DLG2: variants seen among roughly 807,000 people sequenced by gnomAD.
The protein encoded by DLG2 is disks large homolog 2.
Under a neutral mutation model 132.5 loss-of-function variants are expected in DLG2, and 45 were observed. That is an observed-to-expected ratio of 0.34 (90% CI 0.27 to 0.44). The LOEUF (loss-of-function observed/expected upper bound fraction) is 0.44. Among genes scored for constraint, DLG2 ranks in the 20% least tolerant of loss-of-function variants. The pLI is 1.00. For missense variants in DLG2, 1,045 were observed against 1,196.9 expected, an observed-to-expected ratio of 0.87 and a Z score of 1.87; for synonymous variants, 424 against 419.6, an observed-to-expected ratio of 1.01 and a Z score of -0.13.
rs368043322 is a variant in DLG2, at chr11:85,093,281, A to G, written c.357+18380T>C. ...GTGTCAAGGGGCAGAAGTCATACAC[A>G]ATTCAATCATTTGGCAAGGGAGTTT... On this transcript the variant is annotated intron_variant, in intron 6 of 27. Transcript: ENST00000376104. Among the ~76,000 whole-genome samples the G allele has an allele frequency of 5.4e-5, 8 of 148,652 alleles. No individual in the cohort carries two copies. The East Asian group carries it at 1.2e-3, about 23-fold the overall frequency.
chr11:83,484,716 G>C (rs1320202207), intron 21 of DLG2, among the ~76,000 whole-genome samples: 1 of 152,076 alleles, frequency 6.6e-6, no homozygotes, highest in Non-Finnish European at 1.5e-5. Flanking sequence ...CTTTATTGGA[G>C]AAACTGGTTT....
intron 6 of DLG2, among the ~76,000 whole-genome samples, chr11:84,958,366 C>T (rs2052014189): frequency 6.6e-6 from 1 of 152,170 alleles, no homozygotes; most frequent in Non-Finnish European, 1.5e-5. Flanking sequence ...CATGGAAGAC[C>T]AGCTCTGTGA....
At chr11:84,545,739 T>G in intron 6 of DLG2, 1 of 212,572 alleles carries the variant, frequency 4.7e-6, no homozygotes, top group Non-Finnish European at 9.3e-6. Flanking sequence ...AAGTAATGTC[T>G]TAGGTGATGT....
At chr11:84,605,962 T>C (rs1388662027) in intron 6 of DLG2, among the ~76,000 whole-genome samples, 1 of 152,096 alleles carries the variant, frequency 6.6e-6, no homozygotes, top group East Asian at 1.9e-4. Context: ...TAGTCATAAC[T>C]GACCTCTTTT....
intron 14 of DLG2, among the ~76,000 whole-genome samples, chr11:83,934,029 C>G (rs790364): frequency 0.12 from 18,725 of 152,178 alleles, 1,543 homozygotes; most frequent in East Asian, 0.3. Context: ...CTAGAGGTTC[C>G]TTGAGTCTAG....
chr11:84,582,505 T>C (rs2099519032), intron 6 of DLG2, among the ~76,000 whole-genome samples: 1 of 148,806 alleles, frequency 6.7e-6, no homozygotes, highest in Non-Finnish European at 1.5e-5. Flanking sequence ...TACATATATA[T>C]AAAATACATA....
chr11:83,909,409 A>C (rs2075648468), intron 15 of DLG2, among the ~76,000 whole-genome samples: 1 of 152,206 alleles, frequency 6.6e-6, no homozygotes, highest in East Asian at 1.9e-4. Context: ...AATTCGTGGC[A>C]GTAAACTGAG....
At chr11:84,481,671 C>T (rs1360116050) in intron 7 of DLG2, among the ~76,000 whole-genome samples, 1 of 152,182 alleles carries the variant, frequency 6.6e-6, no homozygotes, top group African/African-American at 2.4e-5. Flanking sequence ...ACCCTTCCAA[C>T]TCTGGCTTTG....
In DLG2 at chr11:85,426,065, T is replaced by C. The variant is rs375530751; in HGVS notation, c.41-140700A>G. ...CTAGCGCAGCAGTCTGAGATCAAAC[T>C]GCAAGGTGGCAGCAAGGCTGAGGGA... On this transcript the variant is annotated intron_variant, in intron 3 of 27. Transcript: ENST00000376104. Among the ~76,000 whole-genome samples the C allele has an allele frequency of 2.9e-4, 44 of 152,238 alleles. No homozygotes were observed. The South Asian group carries it at 9.1e-3, about 32-fold the overall frequency.
intron 7 of DLG2, among the ~76,000 whole-genome samples, chr11:84,506,423 GTCGGAGAGAAATTTAAGGATGCTATGCT>G (rs1201170449): frequency 6.6e-6 from 1 of 152,160 alleles, no homozygotes; most frequent in Non-Finnish European, 1.5e-5. Context: ...CGGAAGCACA[GTCGGAGAGAAATTTAAGGATGCTATGCT>G]TCGGAGAGAA....
chr11:84,851,675 A>G (rs1599761414), intron 6 of DLG2, among the ~76,000 whole-genome samples: 1 of 152,056 alleles, frequency 6.6e-6, no homozygotes, highest in Admixed American at 6.6e-5. Flanking sequence ...TGATTTTATC[A>G]TAAAGAAAGT....
intron 22 of DLG2, chr11:83,483,336 A>G (rs1363338069): frequency 1.9e-6 from 3 of 1,546,334 alleles, no homozygotes; most frequent in Admixed American, 1.7e-5. Flanking sequence ...TGAGAGAGGA[A>G]GAACAGCCAC....
intron 4 of DLG2, among the ~76,000 whole-genome samples, chr11:85,190,289 C>A (rs61467881): frequency 0.085 from 12,865 of 151,992 alleles, 686 homozygotes; most frequent in African/African-American, 0.14. Context: ...CAGAATAGCT[C>A]GGACTAAACT....
intron 18 of DLG2, among the ~76,000 whole-genome samples, chr11:83,642,895 T>C (rs2066990866): frequency 6.6e-6 from 1 of 152,110 alleles, no homozygotes; most frequent in South Asian, 2.1e-4. Flanking sequence ...CCTGATCAGA[T>C]TTTTTGAAAG....
At chr11:83,897,251 A>G (rs1376370315) in intron 15 of DLG2, among the ~76,000 whole-genome samples, 1 of 152,164 alleles carries the variant, frequency 6.6e-6, no homozygotes, top group Non-Finnish European at 1.5e-5. Context: ...AGTTACTCCT[A>G]TTTGGGCCAT....
intron 7 of DLG2, among the ~76,000 whole-genome samples, chr11:84,256,805 T>C (rs10792745): frequency 0.15 from 22,961 of 152,118 alleles, 1,954 homozygotes; most frequent in East Asian, 0.25. Flanking sequence ...GAGTCCTGTA[T>C]GTGGGTGTAT....
At chr11:85,244,254 G>C (rs1403288622) in intron 4 of DLG2, among the ~76,000 whole-genome samples, 1 of 151,934 alleles carries the variant, frequency 6.6e-6, no homozygotes, top group Non-Finnish European at 1.5e-5. Context: ...TTATTTAGAA[G>C]TTTAGTAGGT....
At chr11:84,827,786 T>C (rs2078528607) in intron 6 of DLG2, among the ~76,000 whole-genome samples, 1 of 147,848 alleles carries the variant, frequency 6.8e-6, no homozygotes, top group Non-Finnish European at 1.5e-5. Flanking sequence ...AAAAAAAAAT[T>C]CCATCATTTC....
chr11:84,774,252 A>C (rs1042803826), intron 6 of DLG2, among the ~76,000 whole-genome samples: 31 of 152,086 alleles, frequency 2.0e-4, no homozygotes, highest in African/African-American at 7.2e-4. Flanking sequence ...TCTACAGAAG[A>C]ACTACAAAAT....
Sources: allele counts gnomAD v4.1 joint callset (sites outside exome capture counted in the v4.1 genomes callset), GRCh38; gene constraint gnomAD v4.1.1; transcripts MANE v1.5; gene names NCBI Gene and HGNC (gene_info 2026-07-23, HGNC 2026-07-21).